The following DSCAM variants were observed in gnomAD, a reference collection of about 807,000 sequenced individuals.
DSCAM encodes the protein DS cell adhesion molecule, also known as cell adhesion molecule DSCAM.
Under a neutral mutation model 217.7 loss-of-function variants are expected in DSCAM, and 47 were observed. The ratio of observed to expected loss-of-function variants is 0.22; its 90% CI spans 0.17 to 0.28. The LOEUF (loss-of-function observed/expected upper bound fraction) is 0.28. DSCAM is among the 10% of genes least tolerant of loss of function. The pLI is 1.00. For missense variants in DSCAM, 2,080 were observed against 2,618.3 expected, an observed-to-expected ratio of 0.79 and a Z score of 4.49; for synonymous variants, 1,056 against 1,015.3, an observed-to-expected ratio of 1.04 and a Z score of -0.76.
rs73368938 is a variant in DSCAM, at chr21:40,609,766, A to G, written c.508+83044T>C. ...GTAAGTGGATAAAATAGAAACCCTT[A>G]TTAGAATTAGGAGCTAATGGGAGGC... On this transcript the variant is annotated intron_variant, in intron 3 of 32. Transcript: ENST00000400454. Among the ~76,000 whole-genome samples the G allele has an allele frequency of 3.2e-3, 489 of 152,348 alleles. 5 individuals carry two copies. The highest frequency in any genetic ancestry group is 0.011 in the African/African-American group (468 of 41,582).
At chr21:40,761,550 A>G (rs1432589299) in intron 1 of DSCAM, among the ~76,000 whole-genome samples, 4 of 152,154 alleles carry the variant, frequency 2.6e-5, no homozygotes, top group Non-Finnish European at 5.9e-5. Flanking sequence ...AGCTCTCAGA[A>G]AAAAAACAAC....
In DSCAM at chr21:40,435,617, G is replaced by T. The variant is rs140865683; in HGVS notation, c.509-66372C>A. ...TGCCTATGCATATCCAATTGCTCTT[G>T]TACTGTTTTATGGAAACAAGACTAT... On this transcript the variant is annotated intron_variant, in intron 3 of 32. Transcript: ENST00000400454. Among the ~76,000 whole-genome samples, 755 of 148,726 alleles carry T rather than the reference G, an allele frequency of 5.1e-3. 4 individuals carry two copies. Among genetic ancestry groups the T allele is most frequent in the Non-Finnish European group, 7.8e-3 (524 of 67,518 alleles).
At chr21:40,272,220 A>G (rs562284304) in intron 11 of DSCAM, among the ~76,000 whole-genome samples, 22 of 152,192 alleles carry the variant, frequency 1.4e-4, no homozygotes, top group African/African-American at 4.3e-4. Context: ...GCCAAATTTG[A>G]TTGCAAGCAG....
rs143817343 is a variant in DSCAM, at chr21:40,548,797, C to T, written c.508+144013G>A. Among the ~76,000 whole-genome samples, 703 of 152,146 alleles carry T rather than the reference C, an allele frequency of 4.6e-3. 3 individuals carry two copies. Among genetic ancestry groups the T allele is most frequent in the Middle Eastern group, 0.01 (3 of 294 alleles). On this transcript the variant is annotated intron_variant, in intron 3 of 32. Transcript: ENST00000400454. ...CATGACTTTGGGATATATAATTGTC[C>T]GTTAGAAGACAAATTAACATGTCAA...
rs573404563 is a variant in DSCAM at position 40,471,347 on chromosome 21, C to T, written c.509-102102G>A. ...GTAGAGGCCTTTGGGGCCACTCCTTCCTTCCACAACTATGGGGCTCTATGC... is the reference window on the plus strand; with the variant it reads ...GTAGAGGCCTTTGGGGCCACTCCTTTCTTCCACAACTATGGGGCTCTATGC... On this transcript the variant is annotated intron_variant, in intron 3 of 32. Transcript: ENST00000400454. Among the ~76,000 whole-genome samples, 10 of 152,304 alleles carry T rather than the reference C, an allele frequency of 6.6e-5. 1 individual carries two copies. The South Asian group carries it at 1.9e-3, about 28-fold the overall frequency.
chr21:40,588,161 C>T (rs956496154), intron 3 of DSCAM, among the ~76,000 whole-genome samples: 3 of 152,192 alleles, frequency 2.0e-5, no homozygotes, highest in Non-Finnish European at 4.4e-5. Flanking sequence ...GCGGGCCCCT[C>T]AGCTGCTCTG....
intron 19 of DSCAM, among the ~76,000 whole-genome samples, chr21:40,133,163 C>T (rs908487721): frequency 1.3e-5 from 2 of 152,250 alleles, no homozygotes; most frequent in Non-Finnish European, 2.9e-5. Flanking sequence ...CAGAACTTAT[C>T]TGTTCCTTAA....
intron 3 of DSCAM, among the ~76,000 whole-genome samples, chr21:40,388,643 C>G (rs1270301200): frequency 2.0e-5 from 3 of 152,008 alleles, no homozygotes; most frequent in African/African-American, 7.2e-5. Flanking sequence ...ATTTTAAACC[C>G]CCCCTCCTCC....
intron 11 of DSCAM, among the ~76,000 whole-genome samples, chr21:40,193,153 A>G (rs1390229493): frequency 6.6e-6 from 1 of 152,158 alleles, no homozygotes; most frequent in Non-Finnish European, 1.5e-5. Flanking sequence ...ATTTAAGTTC[A>G]ACCATTTGAA....
chr21:40,330,822 G>A (rs905926980), intron 8 of DSCAM, among the ~76,000 whole-genome samples: 4 of 152,122 alleles, frequency 2.6e-5, no homozygotes, highest in Non-Finnish European at 5.9e-5. Context: ...AAATTAAAAA[G>A]AGAGTATAAA....
At chr21:40,470,520 G>A (rs2075879598) in intron 3 of DSCAM, among the ~76,000 whole-genome samples, 2 of 152,170 alleles carry the variant, frequency 1.3e-5, no homozygotes, top group Admixed American at 6.5e-5. Flanking sequence ...AGCCCAACAC[G>A]AAGCTTACTC....
intron 3 of DSCAM, among the ~76,000 whole-genome samples, chr21:40,452,504 T>G (rs1333086735): frequency 6.6e-6 from 1 of 152,096 alleles, no homozygotes; most frequent in Non-Finnish European, 1.5e-5. Flanking sequence ...ATTGAAAGTT[T>G]AGTTTCAACA....
chr21:40,579,839 TGAA>T (rs2076889515), intron 3 of DSCAM, among the ~76,000 whole-genome samples: 1 of 147,900 alleles, frequency 6.8e-6, no homozygotes, highest in Non-Finnish European at 1.5e-5. Context: ...CAAAAAAAAG[TGAA>T]GATTTTTCTT....
chr21:40,286,742 G>GCA (rs2073830004), intron 10 of DSCAM, among the ~76,000 whole-genome samples: 1 of 139,682 alleles, frequency 7.2e-6, no homozygotes, highest in African/African-American at 3.3e-5. Flanking sequence ...TGTGATCCAT[G>GCA]GTGTGATCTG....
chr21:40,165,383 T>C (rs1374254622), intron 16 of DSCAM, among the ~76,000 whole-genome samples: 1 of 152,204 alleles, frequency 6.6e-6, no homozygotes, highest in East Asian at 1.9e-4. Flanking sequence ...CCCAACCTCA[T>C]TAGTCAGTTA....
chr21:40,074,958 G>T, intron 27 of DSCAM, 79 bp downstream of exon 27: 2 of 1,477,902 alleles, frequency 1.4e-6, no homozygotes, highest in East Asian at 2.4e-5. Context: ...TTTGAGGTTT[G>T]TTCTCCAGCT....
At chr21:40,139,898 GGTGTGGTGT>G in intron 18 of DSCAM, among the ~76,000 whole-genome samples, 1 of 150,034 alleles carries the variant, frequency 6.7e-6, no homozygotes, top group Non-Finnish European at 1.5e-5. Context: ...GGGTGTGTGA[GGTGTGGTGT>G]GTGTGGTGAG....
intron 3 of DSCAM, among the ~76,000 whole-genome samples, chr21:40,633,758 G>A (rs1053581672): frequency 1.3e-5 from 2 of 152,166 alleles, no homozygotes; most frequent in East Asian, 1.9e-4. Flanking sequence ...GAGTCAAAAC[G>A]CAAATGCCTG....
intron 4 of DSCAM, among the ~76,000 whole-genome samples, chr21:40,356,741 C>A (rs1278144733): frequency 2.0e-5 from 3 of 152,124 alleles, no homozygotes; most frequent in Non-Finnish European, 4.4e-5. Context: ...CTGAAGCTGG[C>A]AAACCAGCTT....
Sources: allele counts gnomAD v4.1 joint callset (sites outside exome capture counted in the v4.1 genomes callset), GRCh38; gene constraint gnomAD v4.1.1; transcripts MANE v1.5; gene names NCBI Gene and HGNC (gene_info 2026-07-23, HGNC 2026-07-21).